Variants in SYNPR observed in about 807,000 individuals in gnomAD.
SYNPR encodes the protein synaptoporin.
In SYNPR, 23 loss-of-function variants were observed where a neutral mutation model predicts 32.9. The observed-to-expected ratio is 0.70, with a 90% CI of 0.50 to 0.99. SYNPR has a LOEUF of 0.99. Among genes scored for constraint, SYNPR ranks in the 50% least tolerant of loss-of-function variants. SYNPR has a pLI of 0.00. For missense variants in SYNPR, 318 were observed against 349.3 expected (o/e 0.91, Z 0.71); for synonymous variants, 146 against 135.9 (o/e 1.07, Z -0.52).
intron 2 of SYNPR, among the ~76,000 whole-genome samples, chr3:63,435,774 T>C (rs944696693): frequency 2.0e-5 from 3 of 152,270 alleles, no homozygotes; most frequent in Admixed American, 1.3e-4. Context: ...AAATATTTGA[T>C]GGTTGTATTT....
rs556807132 is a variant in SYNPR at position 63,255,695 on chromosome 3, G to A, written n.154+3109G>A. 1.2e-3 allele frequency among the ~76,000 whole-genome samples: 181 copies of A among 152,272 alleles called. 1 individual carries two copies. Among genetic ancestry groups the A allele is most frequent in the Non-Finnish European group, 2.0e-3 (133 of 68,022 alleles). The stretch of plus-strand genomic sequence containing the variant: ...GCGACGCAGAAGATGGGTGATTTCT[G>A]CATTCCCAACTGAGGTACCAGGTTC... On this transcript the variant is annotated intron_variant and non_coding_transcript_variant, in intron 2 of 4. Coordinates refer to the SYNPR transcript ENST00000478456.
intron 2 of SYNPR, among the ~76,000 whole-genome samples, chr3:63,303,196 T>C (rs1032992772): frequency 6.7e-6 from 1 of 150,178 alleles, no homozygotes; most frequent in African/African-American, 2.5e-5. Context: ...AAAAAAAAAA[T>C]GAGAATAAAA....
At chr3:63,578,172 T>C (rs1167302395) in intron 4 of SYNPR, among the ~76,000 whole-genome samples, 1 of 152,128 alleles carries the variant, frequency 6.6e-6, no homozygotes, top group Non-Finnish European at 1.5e-5. Context: ...TGTCTTCCCT[T>C]GGGATAGTGT....
chr3:63,433,994 C>G (rs1352411075), intron 2 of SYNPR, among the ~76,000 whole-genome samples: 2 of 152,110 alleles, frequency 1.3e-5, no homozygotes, highest in Non-Finnish European at 2.9e-5. Flanking sequence ...GGGTCAGGAG[C>G]TGAGAGCAGA....
chr3:63,277,513 A>G (rs548458749), upstream of SYNPR, among the ~76,000 whole-genome samples: 125 of 152,286 alleles, frequency 8.2e-4, 1 homozygote, highest in South Asian at 1.5e-3. Context: ...ATATCAGGCA[A>G]AAGATCTCAG....
At chr3:63,298,795 T>C (rs1367412053) in intron 2 of SYNPR, among the ~76,000 whole-genome samples, 1 of 152,038 alleles carries the variant, frequency 6.6e-6, no homozygotes, top group South Asian at 2.1e-4. Flanking sequence ...CAATAGTGAG[T>C]ACTTGATCTA....
intron 4 of SYNPR, among the ~76,000 whole-genome samples, chr3:63,588,746 T>C (rs1225319136): frequency 2.0e-5 from 3 of 152,118 alleles, no homozygotes; most frequent in Non-Finnish European, 4.4e-5. Context: ...TCCTAAGCTT[T>C]CCTAGCAAAT....
At chr3:63,322,069 A>C (rs1302423930) in intron 2 of SYNPR, among the ~76,000 whole-genome samples, 1 of 152,062 alleles carries the variant, frequency 6.6e-6, no homozygotes, top group Non-Finnish European at 1.5e-5. Flanking sequence ...GAGGAGAAAC[A>C]GCCTCTTGAA....
chr3:63,265,282 C>T (rs1161780292), intron 2 of SYNPR, among the ~76,000 whole-genome samples: 2 of 116,382 alleles, frequency 1.7e-5, no homozygotes, highest in African/African-American at 6.5e-5. Context: ...GATGGAGTCT[C>T]AATCTGTGGC....
At chr3:63,586,999 A>T (rs1382980881) in intron 4 of SYNPR, among the ~76,000 whole-genome samples, 1 of 152,066 alleles carries the variant, frequency 6.6e-6, no homozygotes, top group Non-Finnish European at 1.5e-5. Context: ...GGTTATTGCC[A>T]AATAGGTTTG....
intron 2 of SYNPR, among the ~76,000 whole-genome samples, chr3:63,254,731 G>A (rs750505416): frequency 5.9e-5 from 9 of 152,250 alleles, no homozygotes; most frequent in African/African-American, 9.6e-5. Context: ...AAATTTGTAC[G>A]TTGGAGTCCT....
chr3:63,601,273 C>T, intron 4 of SYNPR, among the ~76,000 whole-genome samples: 1 of 138,204 alleles, frequency 7.2e-6, no homozygotes, highest in East Asian at 2.1e-4. Flanking sequence ...AACGCCATCT[C>T]AAAAAAAAAA....
Position 63,615,372 on chromosome 3 carries a change from A to G in SYNPR, c.749A>G (p.Asp250Gly), listed in dbSNP as rs1700264495. 1 of 1,613,954 alleles carries G rather than the reference A, an allele frequency of 6.2e-7. No individual in the cohort carries two copies. The highest frequency in any genetic ancestry group is 1.7e-5 in the Admixed American group (1 of 60,012). The change falls in exon 6 of 6, where the codon GAC (aspartate) becomes GGC (glycine). Residue 250 changes from aspartate (D) to glycine (G), a missense_variant. Transcript: ENST00000478300. ...SSYNQGGYNQ[D>G]SYGSSSGYSQ... ...TATAATCAAGGTGGTTACAACCAAG[A>G]CAGCTATGGATCAAGCAGTGGGTAC... is the stretch of plus-strand genomic sequence containing the variant.
chr3:63,344,421 T>C (rs2087409880), intron 2 of SYNPR, among the ~76,000 whole-genome samples: 1 of 152,084 alleles, frequency 6.6e-6, no homozygotes, highest in South Asian at 2.1e-4. Flanking sequence ...AACAAAGAGG[T>C]TTTCTATTTA....
intron 2 of SYNPR, among the ~76,000 whole-genome samples, chr3:63,476,746 C>T (rs1455837789): frequency 6.6e-6 from 1 of 152,076 alleles, no homozygotes; most frequent in Non-Finnish European, 1.5e-5. Context: ...AATGTAACAC[C>T]CCCCCAGGTA....
chr3:63,270,930 T>TTCC (rs1560174592), intron 3 of SYNPR, among the ~76,000 whole-genome samples: 4 of 33,362 alleles, frequency 1.2e-4, no homozygotes, highest in African/African-American at 3.3e-4. Flanking sequence ...TCCTTCTTTC[T>TTCC]TTCCTTCCTT....
At chr3:63,486,318 T>C (rs889581638) in intron 3 of SYNPR, among the ~76,000 whole-genome samples, 1 of 152,148 alleles carries the variant, frequency 6.6e-6, no homozygotes, top group East Asian at 1.9e-4. Flanking sequence ...GAGCAGCCCT[T>C]ACCCAATGAC....
At chr3:63,364,709 C>T (rs1047870298) in intron 2 of SYNPR, among the ~76,000 whole-genome samples, 5 of 152,130 alleles carry the variant, frequency 3.3e-5, no homozygotes, top group African/African-American at 9.7e-5. Context: ...ATTATTAAGA[C>T]TTCTAGAAGT....
At chr3:63,297,920 C>G (rs926521026) in intron 2 of SYNPR, among the ~76,000 whole-genome samples, 7 of 152,086 alleles carry the variant, frequency 4.6e-5, no homozygotes, top group African/African-American at 1.7e-4. Context: ...AAAGACCAAT[C>G]TTAGGTTATG....
Sources: allele counts gnomAD v4.1 joint callset (sites outside exome capture counted in the v4.1 genomes callset), GRCh38; gene constraint gnomAD v4.1.1; transcripts MANE v1.5; gene names NCBI Gene and HGNC (gene_info 2026-07-23, HGNC 2026-07-21).